Variants in PLCD1 observed in about 807,000 individuals in gnomAD.
The protein encoded by PLCD1 is 1-phosphatidylinositol 4,5-bisphosphate phosphodiesterase delta-1.
In PLCD1, 71 loss-of-function variants were observed where a neutral mutation model predicts 87.4. The ratio of observed to expected loss-of-function variants is 0.81; its 90% CI spans 0.67 to 0.99. The LOEUF (loss-of-function observed/expected upper bound fraction) is 0.99. PLCD1 is among the 50% of genes least tolerant of loss of function. The pLI, the probability that PLCD1 is intolerant of heterozygous loss-of-function variation, is 0.00. For synonymous variants in PLCD1, 348 were observed against 399.2 expected, an observed-to-expected ratio of 0.87 and a Z score of 1.53; for missense variants, 867 against 1,001.5, an observed-to-expected ratio of 0.87 and a Z score of 1.81.
At position 38,011,684 on chromosome 3, in the gene PLCD1, A is replaced by G. The variant is rs766400841; in HGVS notation, c.429-11T>C. Reference sequence around the variant, plus strand: ...CAGGAGTGAATCCAGCTGGGCAAGAAGTAAGGAAAGAACCCAGGAACCCTG... The same window carrying G: ...CAGGAGTGAATCCAGCTGGGCAAGAGGTAAGGAAAGAACCCAGGAACCCTG... On this transcript the variant is annotated splice_polypyrimidine_tract_variant and intron_variant, in intron 3 of 14. Transcript: ENST00000334661. The G allele has an allele frequency of 1.8e-5, 29 of 1,614,050 alleles. No individual in the cohort carries two copies. The highest frequency in any genetic ancestry group is 2.2e-5 in the Non-Finnish European group (26 of 1,180,024).
chr3:38,020,768 A>G (rs892533344), intron 1 of PLCD1, among the ~76,000 whole-genome samples: 89 of 152,222 alleles, frequency 5.8e-4, no homozygotes, highest in African/African-American at 2.1e-3. Flanking sequence ...GTCAGAGTGA[A>G]CTGAAGGAAG....
intron 8 of PLCD1, 25 bp downstream of exon 8, chr3:38,009,879 G>A (rs1408291058): frequency 6.3e-7 from 1 of 1,589,712 alleles, no homozygotes; most frequent in Non-Finnish European, 8.6e-7. Flanking sequence ...CCCTCCCCCA[G>A]GGATCCCCCA....
intron 2 of PLCD1, among the ~76,000 whole-genome samples, chr3:38,016,925 C>T (rs1306717932): frequency 6.6e-6 from 1 of 152,056 alleles, no homozygotes; most frequent in African/African-American, 2.4e-5. Flanking sequence ...AAGACAGAAA[C>T]TGAGGGGGAG....
intron 5 of PLCD1, 41 bp from the exon 6 acceptor site, chr3:38,010,603 A>C: frequency 6.4e-7 from 1 of 1,552,734 alleles, no homozygotes; most frequent in Non-Finnish European, 8.8e-7. Context: ...GCCAGCCTCC[A>C]GCAGGCGCTC....
chr3:38,019,200 C>A (rs551545548), intron 2 of PLCD1, among the ~76,000 whole-genome samples: 1 of 152,154 alleles, frequency 6.6e-6, no homozygotes, highest in East Asian at 1.9e-4. Flanking sequence ...GGAGAATGGG[C>A]GAGGGATCTC....
intron 11 of PLCD1, 142 bp from the exon 12 acceptor site, chr3:38,008,778 C>A: frequency 2.6e-6 from 2 of 771,608 alleles, no homozygotes; most frequent in Non-Finnish European, 4.4e-6. Flanking sequence ...TGCCCTCCTG[C>A]CACCCTCAGT....
intron 1 of PLCD1, among the ~76,000 whole-genome samples, chr3:38,026,318 A>G (rs772798882): frequency 4.3e-4 from 65 of 152,214 alleles, no homozygotes; most frequent in Non-Finnish European, 1.5e-4. Flanking sequence ...CAGGAGTTCG[A>G]GACCAGCCTG....
chr3:38,024,645 G>C (rs765267164), intron 1 of PLCD1: 2 of 1,519,922 alleles, frequency 1.3e-6, no homozygotes, highest in African/African-American at 2.7e-5. Context: ...GGAAATCTGG[G>C]CTGAGGGGGT....
chr3:38,010,451 G>A lies in PLCD1; in HGVS notation c.902C>T (p.Pro301Leu), dbSNP rs370581237. 8 of 1,614,054 alleles carry A rather than the reference G, an allele frequency of 5.0e-6. No homozygotes were observed. The highest frequency in any genetic ancestry group is 2.7e-5 in the African/African-American group (2 of 74,932). Residue 301 changes from proline (P) to leucine (L), a missense_variant, in exon 6 of 15, where the codon CCA becomes CTA. Transcript: ENST00000334661. ...AGAGGACACCAGGTAGTGGCTAAGT[G>A]GCTGGCCCATGTCCTGGTAGACACG... ...HRRVYQDMGQ[P>L]LSHYLVSSSH...
At chr3:38,029,084 C>G (rs1700336155) in intron 1 of PLCD1, among the ~76,000 whole-genome samples, 1 of 152,268 alleles carries the variant, frequency 6.6e-6, no homozygotes, top group Non-Finnish European at 1.5e-5. Flanking sequence ...TCCAGGCACG[C>G]CCAGGCTTTG....
chr3:38,008,296 C>T lies in PLCD1; in HGVS notation c.1974G>A (p.Val658=). The T allele has an allele frequency of 1.2e-6, 2 of 1,614,228 alleles. No individual in the cohort carries two copies. The highest frequency in any genetic ancestry group is 1.7e-6 in the Non-Finnish European group (2 of 1,180,024). ...CGTCCCGGCTCACGCCATGGATCTC[C>T]ACTGTCACTTTGGGGTCCACAATTG... The part of the protein sequence containing the change: ...KNSIVDPKVT[V]EIHGVSRDVA... Residue 658 remains valine, a synonymous_variant, in exon 13 of 15, where the codon GTG becomes GTA. Transcript: ENST00000334661.
At position 38,027,730 on chromosome 3, in the gene PLCD1, A is replaced by G. The variant is rs1326108787; in HGVS notation, c.34+1776T>C. On this transcript the variant is annotated intron_variant, in intron 1 of 14. Coordinates refer to ENST00000334661, the MANE Select transcript of PLCD1 (RefSeq NM_006225.4). ...CTGTGAAACGGATGCAGACTCTCCA[A>G]TGCAAGTGTAGACAACCTGGAACAG... Among the ~76,000 whole-genome samples the G allele has an allele frequency of 3.9e-5, 6 of 152,358 alleles. No individual in the cohort carries two copies. The East Asian group carries it at 5.8e-4, about 15-fold the overall frequency.
rs535347205 is a variant in PLCD1, at chr3:38,025,891, C to CA, written c.34+3614dup. ...CTGCAGCTCCAGTCACCAGCATTGACAGTGAGTCACTGGCAAAGCCAGTTA... is the reference window on the plus strand; with the variant it reads ...CTGCAGCTCCAGTCACCAGCATTGACAAGTGAGTCACTGGCAAAGCCAGTTA... On this transcript the variant is annotated intron_variant, in intron 1 of 14. Coordinates refer to ENST00000334661, the MANE Select transcript of PLCD1 (RefSeq NM_006225.4). The surrounding 1 kb of genome is among the most constrained non-coding windows in gnomAD (Gnocchi z 4.0). Among the ~76,000 whole-genome samples, 39 of 152,226 alleles carry CA rather than the reference C, an allele frequency of 2.6e-4. No individual in the cohort carries two copies. The highest frequency in any genetic ancestry group is 4.8e-4 in the Non-Finnish European group (33 of 68,044).
Position 38,007,613 on chromosome 3 carries a change from T to G in PLCD1, c.*160A>C, listed in dbSNP as rs1699979290. On this transcript the variant is annotated 3_prime_UTR_variant, in exon 15 of 15. Coordinates refer to ENST00000334661, the MANE Select transcript of PLCD1 (RefSeq NM_006225.4). ...CAGCTCCAGGGACTGGGCTAGCTCCTGGTCCCCAGGGAGGCAGCAGCAGAC... is the reference window on the plus strand; with the variant it reads ...CAGCTCCAGGGACTGGGCTAGCTCCGGGTCCCCAGGGAGGCAGCAGCAGAC... The G allele has an allele frequency of 1.4e-6, 1 of 708,980 alleles. No individual in the cohort carries two copies. Among genetic ancestry groups the G allele is most frequent in the African/African-American group, 1.7e-5 (1 of 57,258 alleles). The allele number at this position is 708,980 out of a possible 1,614,324, so 43.9% of individuals were successfully genotyped here.
intron 1 of PLCD1, chr3:38,024,088 G>T (rs1575357670): frequency 2.0e-6 from 1 of 510,784 alleles, no homozygotes; most frequent in Non-Finnish European, 3.5e-6. Flanking sequence ...CGGGTGACAA[G>T]GGATGGGGAG....
In PLCD1 at chr3:38,008,644, C is replaced by G; in HGVS notation, c.1724-8G>C. On this transcript the variant is annotated splice_polypyrimidine_tract_variant and splice_region_variant and intron_variant, in intron 11 of 14. Coordinates refer to ENST00000334661, the MANE Select transcript of PLCD1 (RefSeq NM_006225.4). ...TCTGGAAATTCAGGGCCACTACAGG[C>G]AGGACAGAGCAGTCACAGGCTGTGG... is the stretch of plus-strand genomic sequence containing the variant. 1.9e-6 allele frequency: 3 copies of G among 1,613,662 alleles called. No individual in the cohort carries two copies. Among genetic ancestry groups the G allele is most frequent in the Non-Finnish European group, 2.5e-6 (3 of 1,179,734 alleles).
chr3:38,023,228 A>T (rs1700260066), intron 1 of PLCD1, among the ~76,000 whole-genome samples: 1 of 152,146 alleles, frequency 6.6e-6, no homozygotes, highest in Admixed American at 6.5e-5. Flanking sequence ...ATGGCCACAC[A>T]AATACACAGT....
At chr3:38,021,800 G>A (rs900212557) in intron 1 of PLCD1, among the ~76,000 whole-genome samples, 4 of 152,226 alleles carry the variant, frequency 2.6e-5, no homozygotes, top group Admixed American at 1.3e-4. Context: ...CCTATGTGGG[G>A]AAGCCCTCAT....
At chr3:38,012,162 C>T (rs189171338) in intron 3 of PLCD1, among the ~76,000 whole-genome samples, 91 of 150,468 alleles carry the variant, frequency 6.0e-4, no homozygotes, top group Non-Finnish European at 1.1e-3. Context: ...CACCGCACCA[C>T]CACGCCTGGC....
Sources: allele counts gnomAD v4.1 joint callset (sites outside exome capture counted in the v4.1 genomes callset), GRCh38; gene constraint gnomAD v4.1.1; non-coding constraint Gnocchi (gnomAD v3.1); transcripts MANE v1.5; gene names NCBI Gene and HGNC (gene_info 2026-07-23, HGNC 2026-07-21).